The following UBXN11 variants were observed in gnomAD, a reference collection of about 807,000 sequenced individuals.
The protein encoded by UBXN11 is UBX domain-containing protein 11.
A neutral mutation model predicts 62.8 loss-of-function variants in UBXN11; 47 were observed. The observed-to-expected ratio is 0.75, with a 90% CI of 0.59 to 0.95. The LOEUF (loss-of-function observed/expected upper bound fraction) is 0.95, where lower values mean the gene tolerates loss of function less well. UBXN11 is among the 40% of genes least tolerant of loss of function. The pLI is 0.00. For synonymous variants in UBXN11, 294 were observed against 267.0 expected (o/e 1.10, Z -0.99); for missense variants, 638 against 661.7 (o/e 0.96, Z 0.39).
intron 10 of UBXN11, chr1:26,284,715 C>T (rs1265412317): frequency 2.0e-5 from 26 of 1,305,406 alleles, no homozygotes; most frequent in Admixed American, 1.5e-4. Context: ...GCAGTACTGA[C>T]ACCCTCCTTG....
At chr1:26,299,668 T>C (rs955821145) in intron 4 of UBXN11, among the ~76,000 whole-genome samples, 1 of 152,032 alleles carries the variant, frequency 6.6e-6, no homozygotes, top group Non-Finnish European at 1.5e-5. Flanking sequence ...GTGGACAGTA[T>C]AGGACACTGC....
At chr1:26,299,537 C>A (rs538877775) in intron 4 of UBXN11, among the ~76,000 whole-genome samples, 16 of 142,868 alleles carry the variant, frequency 1.1e-4, no homozygotes, top group African/African-American at 3.9e-4. Context: ...AAAAAAAAAA[C>A]CTGAGAGAAA....
intron 8 of UBXN11, among the ~76,000 whole-genome samples, chr1:26,290,855 A>T (rs1399548901): frequency 6.9e-6 from 1 of 144,840 alleles, no homozygotes; most frequent in Non-Finnish European, 1.5e-5. Flanking sequence ...GTGGGGGGGA[A>T]GGGAGAACTT....
chr1:26,287,750 C>T (rs971161719), intron 8 of UBXN11, among the ~76,000 whole-genome samples: 19 of 152,244 alleles, frequency 1.2e-4, no homozygotes, highest in African/African-American at 3.4e-4. Flanking sequence ...CCAGCCCCTC[C>T]GGGGGCTCCC....
chr1:26,303,685 C>T (rs1024673573), intron 1 of UBXN11, among the ~76,000 whole-genome samples: 9 of 148,796 alleles, frequency 6.0e-5, no homozygotes, highest in African/African-American at 2.2e-4. Flanking sequence ...GTTAAGATGC[C>T]AGGTTTTGCC....
At chr1:26,318,097 C>T (rs199558452) in exon 1 of UBXN11, 218 of 1,605,172 alleles carry the variant, frequency 1.4e-4, no homozygotes, top group Non-Finnish European at 1.8e-4. Context: ...GGCACCACTG[C>T]CAGGACTCCC....
At chr1:26,297,636 C>T (rs981106441) in intron 5 of UBXN11, among the ~76,000 whole-genome samples, 155 bp from the exon 6 acceptor site, 2 of 152,220 alleles carry the variant, frequency 1.3e-5, no homozygotes, top group African/African-American at 4.8e-5. Context: ...TCAGATAACC[C>T]TCGCAGTTCC....
intron 1 of UBXN11, among the ~76,000 whole-genome samples, chr1:26,315,895 G>A (rs1436496163): frequency 6.6e-6 from 1 of 151,490 alleles, no homozygotes; most frequent in African/African-American, 2.4e-5. Context: ...CCTGACCTCA[G>A]GTGATCCACC....
intron 1 of UBXN11, among the ~76,000 whole-genome samples, chr1:26,304,840 C>G (rs1050137546): frequency 2.0e-5 from 3 of 152,056 alleles, no homozygotes; most frequent in African/African-American, 7.2e-5. Flanking sequence ...GCCTCCCACA[C>G]TTGAGCCACC....
rs1437426569 is a variant in UBXN11, at chr1:26,302,933, G to A, written c.-35-15C>T. ...TCAGGAACTCCCTAGAGGAATGCAG[G>A]AAGTCAGCCCCTGGGGACAGACTCA... On this transcript the variant is annotated splice_polypyrimidine_tract_variant and intron_variant, in intron 1 of 14. Transcript: ENST00000374222. 2 of 1,584,940 alleles carry A rather than the reference G, an allele frequency of 1.3e-6. No individual in the cohort carries two copies. Among genetic ancestry groups the A allele is most frequent in the East Asian group, 2.2e-5 (1 of 44,514 alleles).
At chr1:26,285,765 C>T in intron 9 of UBXN11, 58 bp downstream of exon 9, 1 of 1,539,420 alleles carries the variant, frequency 6.5e-7, no homozygotes, top group South Asian at 1.2e-5. Flanking sequence ...TCATCATCCC[C>T]AACTAACAGT....
chr1:26,296,693 A>AT (rs2073402282), intron 7 of UBXN11, among the ~76,000 whole-genome samples: 1 of 152,152 alleles, frequency 6.6e-6, no homozygotes, highest in Non-Finnish European at 1.5e-5. Context: ...GGGGAGAGGC[A>AT]TGTTCAGAGG....
At chr1:26,301,551 G>A (rs2073534316) in intron 3 of UBXN11, 143 bp downstream of exon 3, 1 of 1,181,930 alleles carries the variant, frequency 8.5e-7, no homozygotes, top group Non-Finnish European at 1.2e-6. Flanking sequence ...AGGGAGGACA[G>A]CATGGGAGCT....
chr1:26,286,018 A>AG lies in UBXN11; in HGVS notation c.578dup (p.Glu194Ter), dbSNP rs768674190. On this transcript the variant is annotated frameshift_variant, in exon 9 of 15. Coordinates refer to ENST00000374222, the MANE Select transcript of UBXN11 (RefSeq NM_001389556.1). LOFTEE classifies it high-confidence loss of function. The stretch of plus-strand genomic sequence containing the variant: ...CCAGCAGCCTGTCAAAGTCCACCTC[A>AG]GGGGGCGCCAATGAGTCCCCTGGCA... 3.1e-6 allele frequency: 5 copies of AG among 1,606,516 alleles called. No individual in the cohort carries two copies. The highest frequency in any genetic ancestry group is 3.4e-6 in the Non-Finnish European group (4 of 1,174,528).
intron 12 of UBXN11, among the ~76,000 whole-genome samples, chr1:26,283,212 G>A (rs2073044874): frequency 6.6e-6 from 1 of 152,172 alleles, no homozygotes; most frequent in Non-Finnish European, 1.5e-5. Context: ...GCCCACCCCA[G>A]CCTGGGGTCA....
chr1:26,317,839 A>C (rs575536608), intron 1 of UBXN11: 5 of 600,104 alleles, frequency 8.3e-6, no homozygotes, highest in Non-Finnish European at 1.5e-5. Flanking sequence ...ATCCACCCCC[A>C]GATCTGCAGA....
chr1:26,312,979 C>CAAAA (rs55777309), intron 1 of UBXN11, among the ~76,000 whole-genome samples: 20,861 of 47,690 alleles, frequency 0.44, 6,024 homozygotes, highest in Non-Finnish European at 0.51. Context: ...AACTCTGTCT[C>CAAAA]AAAAAAAAAA....
intron 7 of UBXN11, 76 bp from the exon 8 acceptor site, chr1:26,294,407 G>A (rs1477067413): frequency 5.7e-6 from 9 of 1,570,288 alleles, no homozygotes; most frequent in Non-Finnish European, 1.7e-6. Flanking sequence ...TCAGCCCAAA[G>A]CCCAGCCTCA....
rs1423896441 is a variant in UBXN11 at position 26,292,455 on chromosome 1, G to GATCA, written c.559+1749_559+1750insTGAT. 3.3e-5 allele frequency among the ~76,000 whole-genome samples: 5 copies of GATCA among 152,270 alleles called. No individual in the cohort carries two copies. The East Asian group carries it at 9.6e-4, about 29-fold the overall frequency. ...GATCACTTCAGCCCAGGAGGTTGAG[G>GATCA]CTGCAGTGAGCCATGACTGTGCCAC... is the stretch of plus-strand genomic sequence containing the variant. On this transcript the variant is annotated intron_variant, in intron 8 of 14. Transcript: ENST00000374222.
Sources: gnomAD v4.1 joint callset for allele counts (sites outside exome capture counted in the v4.1 genomes callset) on GRCh38, gnomAD v4.1.1 for gene constraint, MANE v1.5 for transcripts, NCBI Gene and HGNC (gene_info 2026-07-23, HGNC 2026-07-21) for gene names.